The following ZC3H18 variants were observed in gnomAD, a reference collection of about 807,000 sequenced individuals.
ZC3H18 encodes zinc finger CCCH domain-containing protein 18.
In ZC3H18, 8 loss-of-function variants were observed where a neutral mutation model predicts 106.1. That is an observed-to-expected ratio of 0.08 (90% CI 0.04 to 0.14). The LOEUF is 0.14. Ranked by LOEUF, ZC3H18 falls within the 10% of genes least tolerant of loss-of-function variation. The pLI is 1.00. For missense variants in ZC3H18, 1,318 were observed against 1,278.4 expected, an observed-to-expected ratio of 1.03 and a Z score of -0.47; for synonymous variants, 635 against 522.1, an observed-to-expected ratio of 1.22 and a Z score of -2.95.
At chr16:88,582,373 C>G (rs980009124) in intron 2 of ZC3H18, among the ~76,000 whole-genome samples, 1 of 151,978 alleles carries the variant, frequency 6.6e-6, no homozygotes, top group East Asian at 1.9e-4. Context: ...TACAGGCATC[C>G]GCCACCACGG....
intron 8 of ZC3H18, among the ~76,000 whole-genome samples, chr16:88,613,524 T>TTAAGG (rs1905390681): frequency 6.6e-6 from 1 of 152,176 alleles, no homozygotes; most frequent in African/African-American, 2.4e-5. Flanking sequence ...TCCGTCTTGT[T>TTAAGG]GATGACAGCC....
intron 17 of ZC3H18, among the ~76,000 whole-genome samples, 200 bp from the exon 18 acceptor site, chr16:88,630,901 C>A (rs879855485): frequency 4.6e-5 from 7 of 152,212 alleles, no homozygotes; most frequent in Non-Finnish European, 7.3e-5. Context: ...CAGGACCCTC[C>A]CAGTCTGCTC....
intron 16 of ZC3H18, among the ~76,000 whole-genome samples, chr16:88,629,356 A>G (rs971113630): frequency 5.3e-5 from 8 of 152,170 alleles, no homozygotes; most frequent in African/African-American, 1.9e-4. Context: ...TGCGTCTGTA[A>G]TCCCAGCTAC....
At chr16:88,613,577 T>C (rs892268587) in intron 8 of ZC3H18, among the ~76,000 whole-genome samples, 1 of 152,194 alleles carries the variant, frequency 6.6e-6, no homozygotes, top group Non-Finnish European at 1.5e-5. Flanking sequence ...CGATTTGTAT[T>C]TCTCTGATGA....
intron 8 of ZC3H18, among the ~76,000 whole-genome samples, chr16:88,612,372 G>A (rs904044954): frequency 6.6e-6 from 1 of 151,978 alleles, no homozygotes; most frequent in East Asian, 1.9e-4. Flanking sequence ...GAGCACTTTT[G>A]CCCCCTAAAG....
At chr16:88,598,802 A>C in intron 5 of ZC3H18, 90 bp downstream of exon 5, 1 of 1,193,954 alleles carries the variant, frequency 8.4e-7, no homozygotes, top group South Asian at 1.4e-5. Flanking sequence ...GTCCAGAGAG[A>C]GCCCCAGAAA....
In ZC3H18 at chr16:88,628,760, G is replaced by A. The variant is rs372841190; in HGVS notation, c.2472G>A (p.Ala824=). ...KEIKLTLLNK[A]ADKGSRKRYE... ...CACTGGCCTCTCTCTTGTCCCAGGC[G>A]GCTGATAAAGGAAGCAGGAAGCGCT... The change falls in exon 16 of 18, where the codon GCG becomes GCA. Residue 824 remains alanine (A), a splice_region_variant and synonymous_variant. Transcript: ENST00000301011. 8.1e-6 allele frequency: 13 copies of A among 1,613,826 alleles called. No individual in the cohort carries two copies. Among genetic ancestry groups the A allele is most frequent in the East Asian group, 4.5e-5 (2 of 44,872 alleles).
chr16:88,591,934 G>C (rs1207306797), intron 3 of ZC3H18, among the ~76,000 whole-genome samples: 1 of 152,180 alleles, frequency 6.6e-6, no homozygotes, highest in Non-Finnish European at 1.5e-5. Flanking sequence ...TGGCAGCGGA[G>C]TTTCTGATGA....
chr16:88,601,058 C>T (rs1904724039), intron 6 of ZC3H18, among the ~76,000 whole-genome samples: 1 of 152,250 alleles, frequency 6.6e-6, no homozygotes, highest in South Asian at 2.1e-4. Context: ...CCCTGCAAGG[C>T]CCTTCTCAAG....
intron 6 of ZC3H18, among the ~76,000 whole-genome samples, chr16:88,602,236 A>G (rs1904786443): frequency 6.6e-6 from 1 of 152,238 alleles, no homozygotes; most frequent in African/African-American, 2.4e-5. Flanking sequence ...CTGGCAGCCC[A>G]GTTGGCGGTC....
In ZC3H18 at chr16:88,577,151, G is replaced by T. The variant is rs1359793574; in HGVS notation, c.28G>T (p.Asp10Tyr). The T allele has an allele frequency of 6.3e-7, 1 of 1,580,174 alleles. No homozygotes were observed. The highest frequency in any genetic ancestry group is 8.6e-7 in the Non-Finnish European group (1 of 1,160,916). ...GGATGTGGCCGAGAGCCCTGAACGG[G>T]ATCCTCACTCTCCAGAGGATGAAGA... Reference protein sequence around the residue: MDVAESPERDPHSPEDEEQP... With the variant: MDVAESPERYPHSPEDEEQP... The change falls in exon 2 of 18, where the codon GAT (aspartate) becomes TAT (tyrosine). Residue 10 changes from aspartate (D) to tyrosine (Y), a missense_variant. By Grantham distance (160) the Asp-to-Tyr change is radical (BLOSUM62 -3). This residue lies in a region of ZC3H18 where 346 missense variants were observed against 269.0 expected (regional missense o/e 1.29). Coordinates refer to ENST00000301011, the MANE Select transcript of ZC3H18 (RefSeq NM_144604.4).
At chr16:88,574,237 C>G (rs114741659) in intron 1 of ZC3H18, among the ~76,000 whole-genome samples, 294 of 151,988 alleles carry the variant, frequency 1.9e-3, no homozygotes, top group African/African-American at 6.8e-3. Flanking sequence ...GACGGAGTCT[C>G]GCTTAGCCAC....
chr16:88,611,220 C>A, intron 7 of ZC3H18, 48 bp from the exon 8 acceptor site: 2 of 724,314 alleles, frequency 2.8e-6, no homozygotes, highest in Non-Finnish European at 5.1e-6. Flanking sequence ...GTGCCTCTGT[C>A]ACCCAAATAA....
At position 88,622,905 on chromosome 16, in the gene ZC3H18, T is replaced by C. The variant is rs1464742737; in HGVS notation, c.1668-314T>C. 13 of 388,234 alleles carry C rather than the reference T, an allele frequency of 3.3e-5. No individual in the cohort carries two copies. The Admixed American group carries it at 4.7e-4, about 14-fold the overall frequency. The allele number at this position is 388,234 out of a possible 1,614,324, so 24.0% of individuals were successfully genotyped here. A position where few individuals can be genotyped will look rare whatever the true frequency, so the allele number is the denominator to read the frequency against. ...CTGAAAGTGGATGCAGATGAACAGA[T>C]AGACACACACACGGACCCACGTGAG... On this transcript the variant is annotated intron_variant, in intron 9 of 17. Transcript: ENST00000301011.
At chr16:88,576,664 C>G (rs1914770793) in intron 1 of ZC3H18, among the ~76,000 whole-genome samples, 4 of 152,212 alleles carry the variant, frequency 2.6e-5, no homozygotes, top group Admixed American at 2.6e-4. Context: ...TTCAGGATGA[C>G]TCCAGAAAAA....
rs34488029 is a variant in ZC3H18 at position 88,628,832 on chromosome 16, G to A, written c.2544G>A (p.Arg848=). Residue 848 remains arginine (R), a synonymous_variant, in exon 16 of 18, where the codon CGG becomes CGA. Transcript: ENST00000301011. ...KDRQSPPPAK[R]PNTSPDRGSR... ...GGCAGAGCCCTCCTCCAGCCAAGCG[G>A]CCCAACACATCCCCAGACCGAGGTG... The A allele has an allele frequency of 1.3e-3, 2,177 of 1,614,044 alleles. 23 individuals are homozygous for A. The African/African-American group carries it at 0.026, about 19-fold the overall frequency.
chr16:88,581,115 G>A (rs926593024), intron 2 of ZC3H18, among the ~76,000 whole-genome samples: 18 of 152,186 alleles, frequency 1.2e-4, no homozygotes, highest in Admixed American at 7.2e-4. Context: ...CTAGAGAGCC[G>A]TTTGATTTGG....
intron 3 of ZC3H18, among the ~76,000 whole-genome samples, chr16:88,587,379 A>G (rs1915498043): frequency 6.6e-6 from 1 of 152,230 alleles, no homozygotes; most frequent in African/African-American, 2.4e-5. Flanking sequence ...GATGTGCAGC[A>G]GTAGTTTTGG....
intron 6 of ZC3H18, among the ~76,000 whole-genome samples, chr16:88,601,976 T>G (rs1904772417): frequency 6.6e-6 from 1 of 151,996 alleles, no homozygotes; most frequent in Non-Finnish European, 1.5e-5. Context: ...AAGGGAAGGG[T>G]GGGTCCACCA....
Sources: allele counts gnomAD v4.1 joint callset (sites outside exome capture counted in the v4.1 genomes callset), GRCh38; gene constraint gnomAD v4.1.1; regional missense constraint gnomAD v4.1.1; transcripts MANE v1.5; gene names NCBI Gene and HGNC (gene_info 2026-07-23, HGNC 2026-07-21).